The following GHR variants were observed in gnomAD, a reference collection of about 807,000 sequenced individuals.
GHR encodes the protein GH receptor.
Under a neutral mutation model 67.1 loss-of-function variants are expected in GHR, and 35 were observed. The observed-to-expected ratio is 0.52, with a 90% CI of 0.40 to 0.69. The LOEUF (loss-of-function observed/expected upper bound fraction) is 0.69. Ranked by LOEUF, GHR falls within the 30% of genes least tolerant of loss-of-function variation. GHR has a pLI of 0.00. For missense variants in GHR, 792 were observed against 764.6 expected (o/e 1.04, Z -0.42); for synonymous variants, 272 against 269.1 (o/e 1.01, Z -0.10).
In GHR at chr5:42,599,120, G is replaced by A. The variant is rs541521791; in HGVS notation, c.71-29918G>A. ...ACATGACCATTTTGCTAGTAGCAGT[G>A]GATGAAGCTTTTCTCTAAGAGATCA... On this transcript the variant is annotated intron_variant, in intron 2 of 9. Transcript: ENST00000230882. Among the ~76,000 whole-genome samples, 33 of 152,260 alleles carry A rather than the reference G, an allele frequency of 2.2e-4. 1 individual carries two copies. The highest frequency in any genetic ancestry group is 7.7e-4 in the African/African-American group (32 of 41,538).
chr5:42,441,203 T>C (rs1431051591), intron 1 of GHR, among the ~76,000 whole-genome samples: 1 of 152,064 alleles, frequency 6.6e-6, no homozygotes, highest in South Asian at 2.1e-4. Flanking sequence ...AGAGTGGGAA[T>C]TGTGACTGGG....
At chr5:42,571,200 C>T (rs757967375) in intron 2 of GHR, among the ~76,000 whole-genome samples, 4 of 152,224 alleles carry the variant, frequency 2.6e-5, no homozygotes, top group Admixed American at 6.5e-5. Context: ...GGGGAGGAAA[C>T]ATGCTGAGGC....
At chr5:42,663,165 A>G (rs1282603842) in intron 3 of GHR, among the ~76,000 whole-genome samples, 1 of 152,220 alleles carries the variant, frequency 6.6e-6, no homozygotes, top group Non-Finnish European at 1.5e-5. Flanking sequence ...TACCAGAGGT[A>G]CAAGGAGGAA....
At chr5:42,496,763 A>T (rs1486204533) in intron 1 of GHR, among the ~76,000 whole-genome samples, 2 of 152,082 alleles carry the variant, frequency 1.3e-5, no homozygotes, top group African/African-American at 4.8e-5. Flanking sequence ...TTTACTTTTC[A>T]CACTCCGTTT....
intron 2 of GHR, among the ~76,000 whole-genome samples, chr5:42,595,033 T>C (rs1751993040): frequency 6.6e-6 from 1 of 152,132 alleles, no homozygotes; most frequent in Non-Finnish European, 1.5e-5. Context: ...ACTTACAATC[T>C]AAGGCCCAAC....
Position 42,718,810 on chromosome 5 carries a change from C to G in GHR, c.1303C>G (p.Pro435Ala). The G allele has an allele frequency of 6.2e-7, 1 of 1,614,090 alleles. No individual in the cohort carries two copies. Residue 435 changes from proline (P) to alanine (A), a missense_variant, in exon 10 of 10, where the codon CCT (proline) becomes GCT (alanine). Coordinates refer to ENST00000230882, the MANE Select transcript of GHR (RefSeq NM_000163.5). ...TGACCAGAAGAATCAAAATAACTCA[C>G]CTTATCATGATGCTTGCCCTGCTAC... ...CLDQKNQNNSPYHDACPATQQ... is the reference protein window; with the variant it reads ...CLDQKNQNNSAYHDACPATQQ...
chr5:42,613,594 T>A (rs981552855), intron 2 of GHR, among the ~76,000 whole-genome samples: 6 of 152,082 alleles, frequency 3.9e-5, no homozygotes, highest in Non-Finnish European at 7.4e-5. Flanking sequence ...GTAAATTATT[T>A]CAGGGATTTG....
At chr5:42,678,710 A>AT (rs1444322707) in intron 3 of GHR, among the ~76,000 whole-genome samples, 1 of 152,092 alleles carries the variant, frequency 6.6e-6, no homozygotes, top group East Asian at 1.9e-4. Flanking sequence ...AATTTTATTA[A>AT]TTTTCAACTT....
At chr5:42,712,167 A>G (rs1484463975) in intron 7 of GHR, among the ~76,000 whole-genome samples, 1 of 152,144 alleles carries the variant, frequency 6.6e-6, no homozygotes, top group Non-Finnish European at 1.5e-5. Flanking sequence ...ACCACAAGCT[A>G]CATAGAAAAT....
At chr5:42,436,820 C>T (rs1333099235) in intron 1 of GHR, among the ~76,000 whole-genome samples, 1 of 152,084 alleles carries the variant, frequency 6.6e-6, no homozygotes, top group African/African-American at 2.4e-5. Context: ...CTGAAAATTA[C>T]CCTTGGTTGC....
intron 1 of GHR, among the ~76,000 whole-genome samples, chr5:42,480,684 G>C (rs948919672): frequency 6.6e-6 from 1 of 152,174 alleles, no homozygotes; most frequent in African/African-American, 2.4e-5. Context: ...TTTAAAGTCT[G>C]TTTTATCAGA....
At chr5:42,624,540 G>T (rs1312208541) in intron 2 of GHR, among the ~76,000 whole-genome samples, 1 of 152,122 alleles carries the variant, frequency 6.6e-6, no homozygotes, top group Non-Finnish European at 1.5e-5. Context: ...AAAAATCTGT[G>T]CATATTTAAT....
chr5:42,477,880 G>T (rs572845949), intron 1 of GHR, among the ~76,000 whole-genome samples: 1,665 of 152,162 alleles, frequency 0.011, 33 homozygotes, highest in African/African-American at 0.037. Context: ...AGAAGCTCTT[G>T]AGTTTAATTA....
intron 1 of GHR, among the ~76,000 whole-genome samples, chr5:42,477,666 C>A (rs1240735630): frequency 2.0e-5 from 3 of 152,168 alleles, no homozygotes; most frequent in Admixed American, 2.0e-4. Context: ...TGTTTTTTGG[C>A]TGCATAAATG....
chr5:42,502,656 T>C (rs957020636), intron 1 of GHR, among the ~76,000 whole-genome samples: 1 of 151,892 alleles, frequency 6.6e-6, no homozygotes, highest in African/African-American at 2.4e-5. Flanking sequence ...AGTTTATAAT[T>C]AAGGCAATGG....
At chr5:42,649,051 T>G (rs1196745609) in intron 3 of GHR, among the ~76,000 whole-genome samples, 1 of 152,158 alleles carries the variant, frequency 6.6e-6, no homozygotes, top group Non-Finnish European at 1.5e-5. Context: ...GGAACTCAAA[T>G]GAGGAGCCAC....
At chr5:42,614,811 G>C (rs531077734) in intron 2 of GHR, among the ~76,000 whole-genome samples, 19 of 152,010 alleles carry the variant, frequency 1.2e-4, no homozygotes, top group Admixed American at 2.0e-4. Flanking sequence ...CAGGGAGTTT[G>C]AAAGTCTAGG....
intron 1 of GHR, among the ~76,000 whole-genome samples, chr5:42,542,994 C>T (rs1748581749): frequency 6.6e-6 from 1 of 152,090 alleles, no homozygotes; most frequent in African/African-American, 2.4e-5. Context: ...AGTAGTATTC[C>T]ATGGTGTGTA....
At chr5:42,592,206 G>A (rs1751819528) in intron 2 of GHR, among the ~76,000 whole-genome samples, 1 of 152,176 alleles carries the variant, frequency 6.6e-6, no homozygotes, top group African/African-American at 2.4e-5. Flanking sequence ...GCAGGTGCTT[G>A]CAAGCTAGTT....
Sources: allele counts gnomAD v4.1 joint callset (sites outside exome capture counted in the v4.1 genomes callset), GRCh38; gene constraint gnomAD v4.1.1; transcripts MANE v1.5; gene names NCBI Gene and HGNC (gene_info 2026-07-23, HGNC 2026-07-21).